The following PTGDR variants were observed in gnomAD, a reference collection of about 807,000 sequenced individuals.
PTGDR encodes PGD2 receptor.
In PTGDR, 19 loss-of-function variants were observed where a neutral mutation model predicts 17.4. The ratio of observed to expected loss-of-function variants is 1.09; its 90% CI spans 0.76 to 1.60. The LOEUF (loss-of-function observed/expected upper bound fraction) is 1.60, where lower values mean the gene tolerates loss of function less well. PTGDR is among the 40% of genes most tolerant of loss of function. The probability of loss-of-function intolerance (pLI) is 0.00; values close to 1 mark genes in which losing one functional copy is unlikely to be tolerated. For missense variants in PTGDR, 526 were observed against 481.9 expected (o/e 1.09, Z -0.86); for synonymous variants, 267 against 224.2 (o/e 1.19, Z -1.71).
intron 1 of PTGDR, among the ~76,000 whole-genome samples, chr14:52,269,911 G>C (rs869235561): frequency 6.6e-6 from 1 of 152,124 alleles, no homozygotes; most frequent in South Asian, 2.1e-4. Flanking sequence ...TAGAAAAAAA[G>C]ATGGCTGGAC....
At chr14:52,268,774 G>T in intron 1 of PTGDR, 114 bp downstream of exon 1, 1 of 1,180,968 alleles carries the variant, frequency 8.5e-7, no homozygotes, top group South Asian at 1.5e-5. Flanking sequence ...CTGCGCCCTG[G>T]GCCAGGAAGG....
In PTGDR at chr14:52,267,938, G is replaced by T. The variant is rs372329398; in HGVS notation, c.124G>T (p.Ala42Ser). ...CAACCTGCTGGCCCTGGGGCTGCTG[G>T]CGCGCTCGGGGCTGGGGTGGTGCTC... Reference protein sequence around the residue: ...LGNLLALGLLARSGLGWCSRR... With the variant: ...LGNLLALGLLSRSGLGWCSRR... Residue 42 changes from alanine to serine, a missense_variant, in exon 1 of 2, where the codon GCG (alanine) becomes TCG (serine). Transcript: ENST00000306051. 1.9e-6 allele frequency: 3 copies of T among 1,609,968 alleles called. No homozygotes were observed. The highest frequency in any genetic ancestry group is 1.3e-5 in the African/African-American group (1 of 74,900).
downstream of PTGDR, among the ~76,000 whole-genome samples, chr14:52,280,661 T>C (rs2033476200): frequency 1.3e-5 from 2 of 152,206 alleles, no homozygotes; most frequent in African/African-American, 4.8e-5. Flanking sequence ...CTGAGACAAA[T>C]GCATATCTGA....
chr14:52,267,748 T>A lies in PTGDR; in HGVS notation c.-67T>A, dbSNP rs2033225126. 1 of 1,474,324 alleles carries A rather than the reference T, an allele frequency of 6.8e-7. No homozygotes were observed. Among genetic ancestry groups the A allele is most frequent in the South Asian group, 1.4e-5 (1 of 69,870 alleles). 91.3% of individuals were successfully genotyped at this position (1,474,324 alleles called of 1,614,324 possible). ...GCGCGCGGAGCTGCCGGGGGCTCCT[T>A]AGCACCCGGGCGCCGGGGCCCTCGC... On this transcript the variant is annotated 5_prime_UTR_variant, in exon 1 of 2. Transcript: ENST00000306051.
In PTGDR at chr14:52,269,476, A is replaced by G. The variant is rs752834960; in HGVS notation, c.846+816A>G. The G allele has an allele frequency of 9.5e-5, 146 of 1,535,142 alleles. 1 individual carries two copies. Among genetic ancestry groups the G allele is most frequent in the South Asian group, 5.5e-4 (46 of 84,048 alleles). Reference sequence around the variant, plus strand: ...GCATTTGTTCCTGGAGTCCCCGCCAAGACACCTGGGAGTAGGTGAGGCTTG... The same window carrying G: ...GCATTTGTTCCTGGAGTCCCCGCCAGGACACCTGGGAGTAGGTGAGGCTTG... On this transcript the variant is annotated intron_variant, in intron 1 of 1. Transcript: ENST00000306051.
downstream of PTGDR, among the ~76,000 whole-genome samples, chr14:52,277,401 T>TA (rs1419737036): frequency 6.6e-6 from 1 of 152,156 alleles, no homozygotes; most frequent in East Asian, 1.9e-4. Flanking sequence ...AGAAAATACA[T>TA]ATGGTTAATA....
intron 1 of PTGDR, among the ~76,000 whole-genome samples, chr14:52,271,339 G>T (rs1252763571): frequency 6.6e-6 from 1 of 151,870 alleles, no homozygotes; most frequent in Non-Finnish European, 1.5e-5. Flanking sequence ...TAAGGCAGTG[G>T]CTCTGAAACT....
downstream of PTGDR, among the ~76,000 whole-genome samples, chr14:52,280,722 A>T (rs549587526): frequency 2.6e-5 from 4 of 152,352 alleles, no homozygotes; most frequent in East Asian, 7.7e-4. Flanking sequence ...AAAAATGCAG[A>T]TTCACTGAGC....
Position 52,275,017 on chromosome 14 carries a change from AG to A in PTGDR, c.*54del. 7.6e-7 allele frequency: 1 copy of A among 1,315,966 alleles called. No homozygotes were observed. Among genetic ancestry groups the A allele is most frequent in the Non-Finnish European group, 1.0e-6 (1 of 955,944 alleles). The allele number at this position is 1,315,966 out of a possible 1,614,324, so 81.5% of individuals were successfully genotyped here. A position where few individuals can be genotyped will look rare whatever the true frequency, so the allele number is the denominator to read the frequency against. On this transcript the variant is annotated 3_prime_UTR_variant, in exon 2 of 2. Transcript: ENST00000306051. Reference sequence around the variant, plus strand: ...AGGAATATGTCACATTTTCAGTCAAAGAACCATGATTAAAAAAAAAAAGACA... The same window carrying A: ...AGGAATATGTCACATTTTCAGTCAAAAACCATGATTAAAAAAAAAAAGACA...
intron 1 of PTGDR, among the ~76,000 whole-genome samples, chr14:52,271,878 T>C (rs1016814240): frequency 2.6e-5 from 4 of 152,250 alleles, no homozygotes; most frequent in Non-Finnish European, 5.9e-5. Flanking sequence ...TTCTAAGTAA[T>C]GGACCTAGCA....
chr14:52,268,693 T>TGAGAC lies in PTGDR; in HGVS notation c.846+34_846+38dup, dbSNP rs755695751. 11 of 1,529,950 alleles carry TGAGAC rather than the reference T, an allele frequency of 7.2e-6. No individual in the cohort carries two copies. In the African/African-American group the frequency reaches 1.4e-4, roughly 19 times the overall value. The allele number at this position is 1,529,950 out of a possible 1,614,324, so 94.8% of individuals were successfully genotyped here. A position where few individuals can be genotyped will look rare whatever the true frequency, so the allele number is the denominator to read the frequency against. Reference sequence around the variant, plus strand: ...CCCGGGCCCCGAGGCAGCAGGGCACTGAGACTGTCCGGCCGCGGATGCGGG... The same window carrying TGAGAC: ...CCCGGGCCCCGAGGCAGCAGGGCACTGAGACGAGACTGTCCGGCCGCGGATGCGGG... On this transcript the variant is annotated intron_variant, in intron 1 of 1. Transcript: ENST00000306051.
chr14:52,276,861 C>A (rs1288890597), downstream of PTGDR: 1 of 152,124 alleles, frequency 6.6e-6, no homozygotes, highest in Admixed American at 6.5e-5. Flanking sequence ...TTAACACTTA[C>A]ATTACTTTAA....
In PTGDR at chr14:52,275,047, T is replaced by TA; in HGVS notation, c.*84dup. 8.8e-7 allele frequency: 1 copy of TA among 1,136,162 alleles called. No individual in the cohort carries two copies. Among genetic ancestry groups the TA allele is most frequent in the Non-Finnish European group, 1.2e-6 (1 of 808,896 alleles). 70.4% of individuals were successfully genotyped at this position (1,136,162 alleles called of 1,614,324 possible). On this transcript the variant is annotated 3_prime_UTR_variant, in exon 2 of 2. Coordinates refer to ENST00000306051, the MANE Select transcript of PTGDR (RefSeq NM_000953.3). ...CATGATTAAAAAAAAAAAGACAACT[T>TA]ACAATTTAAATCCTTAAAAGTTACC...
At chr14:52,269,491 G>A (rs2033284883) in intron 1 of PTGDR, 1 of 1,535,320 alleles carries the variant, frequency 6.5e-7, no homozygotes, top group South Asian at 1.2e-5. Flanking sequence ...CCTGGGAGTA[G>A]GTGAGGCTTG....
At chr14:52,270,348 C>A (rs1459904785) in intron 1 of PTGDR, among the ~76,000 whole-genome samples, 1 of 152,068 alleles carries the variant, frequency 6.6e-6, no homozygotes, top group Non-Finnish European at 1.5e-5. Context: ...GAGATCGAGA[C>A]CATCCTGGCC....
At chr14:52,269,845 A>G (rs1216388148) in intron 1 of PTGDR, among the ~76,000 whole-genome samples, 1 of 152,200 alleles carries the variant, frequency 6.6e-6, no homozygotes, top group Non-Finnish European at 1.5e-5. Flanking sequence ...ATAGGCGCAG[A>G]TGACATATAG....
intron 1 of PTGDR, among the ~76,000 whole-genome samples, chr14:52,269,904 A>G (rs2033293041): frequency 1.3e-5 from 2 of 149,572 alleles, no homozygotes; most frequent in Admixed American, 1.3e-4. Context: ...AGGCTTCTAG[A>G]AAAAAAGATG....
intron 1 of PTGDR, among the ~76,000 whole-genome samples, chr14:52,269,751 G>A (rs1014944466): frequency 2.0e-5 from 3 of 152,034 alleles, no homozygotes; most frequent in Admixed American, 6.6e-5. Context: ...AAGAAGTCTG[G>A]GGCATCAGCA....
Position 52,275,078 on chromosome 14 carries a change from T to A in PTGDR, c.*114T>A. The A allele has an allele frequency of 1.2e-6, 1 of 824,082 alleles. No homozygotes were observed. Among genetic ancestry groups the A allele is most frequent in the Non-Finnish European group, 1.9e-6 (1 of 535,904 alleles). 51.0% of individuals were successfully genotyped at this position (824,082 alleles called of 1,614,324 possible). The stretch of plus-strand genomic sequence containing the variant: ...TTAAATCCTTAAAAGTTACCTCCCA[T>A]AACAAAAGCATGTATATGTATTTTC... On this transcript the variant is annotated 3_prime_UTR_variant, in exon 2 of 2. Coordinates refer to ENST00000306051, the MANE Select transcript of PTGDR (RefSeq NM_000953.3).
Sources: gnomAD v4.1 joint callset for allele counts (sites outside exome capture counted in the v4.1 genomes callset) on GRCh38, gnomAD v4.1.1 for gene constraint, MANE v1.5 for transcripts, NCBI Gene and HGNC (gene_info 2026-07-23, HGNC 2026-07-21) for gene names.